The following PCDH15 variants were observed in gnomAD, a reference collection of about 807,000 sequenced individuals.
The protein encoded by PCDH15 is protocadherin related 15.
A neutral mutation model predicts 178.5 loss-of-function variants in PCDH15; 129 were observed. The ratio of observed to expected loss-of-function variants is 0.72; its 90% CI spans 0.63 to 0.84. The LOEUF (loss-of-function observed/expected upper bound fraction) is 0.84, where lower values mean the gene tolerates loss of function less well. Ranked by LOEUF, PCDH15 falls within the 40% of genes least tolerant of loss-of-function variation. The pLI is 0.00. For synonymous variants in PCDH15, 800 were observed against 732.0 expected (o/e 1.09, Z -1.50); for missense variants, 2,230 against 2,099.9 (o/e 1.06, Z -1.21).
chr10:54,014,033 A>G (rs1025081440), intron 20 of PCDH15, among the ~76,000 whole-genome samples: 3 of 152,154 alleles, frequency 2.0e-5, no homozygotes, highest in African/African-American at 4.8e-5. Context: ...AAGAAAAAAA[A>G]AGAGAAGATC....
At chr10:55,556,777 T>C (rs1842099565) in intron 2 of PCDH15, among the ~76,000 whole-genome samples, 1 of 152,108 alleles carries the variant, frequency 6.6e-6, no homozygotes, top group African/African-American at 2.4e-5. Flanking sequence ...GGAGGCAAAT[T>C]ATGAAGTGAG....
intron 2 of PCDH15, among the ~76,000 whole-genome samples, chr10:55,050,389 C>G (rs962722256): frequency 2.0e-5 from 3 of 151,886 alleles, no homozygotes; most frequent in Non-Finnish European, 4.4e-5. Flanking sequence ...TTTCAGTAAT[C>G]ACTATTAACA....
intron 3 of PCDH15, among the ~76,000 whole-genome samples, chr10:54,453,923 C>T (rs1202031089): frequency 6.6e-6 from 1 of 151,756 alleles, no homozygotes; most frequent in African/African-American, 2.4e-5. Context: ...ATTTTTAAGC[C>T]ACCATGTTTG....
chr10:54,101,260 G>A (rs923165400), intron 15 of PCDH15, among the ~76,000 whole-genome samples: 2 of 152,150 alleles, frequency 1.3e-5, no homozygotes, highest in African/African-American at 2.4e-5. Flanking sequence ...TACATGAACT[G>A]TAAGTCCAAT....
At chr10:54,292,715 C>G (rs1419326421) in intron 8 of PCDH15, among the ~76,000 whole-genome samples, 1 of 152,146 alleles carries the variant, frequency 6.6e-6, no homozygotes, top group Non-Finnish European at 1.5e-5. Flanking sequence ...CTCCCATTCA[C>G]AATTGCTACA....
intron 2 of PCDH15, among the ~76,000 whole-genome samples, chr10:55,356,721 A>G (rs1480480738): frequency 6.6e-6 from 1 of 151,920 alleles, no homozygotes; most frequent in African/African-American, 2.4e-5. Context: ...TTTAGTTGTT[A>G]TAATTACCCT....
At chr10:55,097,315 T>C (rs533629691) in intron 2 of PCDH15, among the ~76,000 whole-genome samples, 1 of 152,130 alleles carries the variant, frequency 6.6e-6, no homozygotes, top group Non-Finnish European at 1.5e-5. Context: ...TCATGCCTGA[T>C]GATAAATTAA....
intron 9 of PCDH15, among the ~76,000 whole-genome samples, chr10:54,225,232 T>C (rs749327512): frequency 2.8e-4 from 42 of 152,160 alleles, no homozygotes; most frequent in Non-Finnish European, 3.1e-4. Flanking sequence ...CTTTGAACAA[T>C]CTCACTGAAT....
chr10:54,579,536 G>A (rs894785635), intron 2 of PCDH15, among the ~76,000 whole-genome samples: 1 of 151,908 alleles, frequency 6.6e-6, no homozygotes, highest in African/African-American at 2.4e-5. Flanking sequence ...AAACAATAAT[G>A]GGAGACCTCA....
At chr10:54,858,156 A>G (rs2131776859) in intron 3 of PCDH15, among the ~76,000 whole-genome samples, 1 of 152,322 alleles carries the variant, frequency 6.6e-6, no homozygotes, top group African/African-American at 2.4e-5. Context: ...AGATGTGCTC[A>G]TTCATTATTT....
chr10:54,453,628 C>G (rs1470791206), intron 3 of PCDH15, among the ~76,000 whole-genome samples: 2 of 149,676 alleles, frequency 1.3e-5, no homozygotes, highest in East Asian at 3.9e-4. Flanking sequence ...ACGTTGTGCA[C>G]ATGTACCCTA....
At chr10:54,772,809 T>C (rs1348852780) in intron 1 of PCDH15, among the ~76,000 whole-genome samples, 30 of 152,100 alleles carry the variant, frequency 2.0e-4, no homozygotes. Context: ...TAAAGACACA[T>C]GCATGCATAT....
intron 15 of PCDH15, among the ~76,000 whole-genome samples, chr10:54,111,972 C>CAAAAA (rs369333708): frequency 5.1e-5 from 5 of 97,576 alleles, no homozygotes; most frequent in African/African-American, 1.1e-4. Context: ...ACCAAAAATA[C>CAAAAA]AAAAAAAAAA....
intron 2 of PCDH15, among the ~76,000 whole-genome samples, chr10:55,516,735 T>C (rs1385470047): frequency 6.6e-6 from 1 of 152,124 alleles, no homozygotes; most frequent in Non-Finnish European, 1.5e-5. Context: ...TGCCTTGGGA[T>C]TCATAATACT....
intron 16 of PCDH15, among the ~76,000 whole-genome samples, chr10:54,080,148 G>C (rs1426992305): frequency 6.6e-6 from 1 of 151,752 alleles, no homozygotes; most frequent in African/African-American, 2.4e-5. Flanking sequence ...CCCCTTTTGT[G>C]GCTACACTAA....
intron 14 of PCDH15, among the ~76,000 whole-genome samples, chr10:54,133,684 A>T (rs2042639494): frequency 6.6e-6 from 1 of 152,198 alleles, no homozygotes; most frequent in African/African-American, 2.4e-5. Flanking sequence ...ATTAGCATTG[A>T]CATAGTCAAC....
chr10:55,275,384 T>C (rs1842563646), intron 1 of PCDH15, among the ~76,000 whole-genome samples: 1 of 152,082 alleles, frequency 6.6e-6, no homozygotes, highest in African/African-American at 2.4e-5. Context: ...CTTTCCCAGA[T>C]TTAAGAAATT....
At chr10:55,582,630 T>TA (rs1564465801) in intron 2 of PCDH15, among the ~76,000 whole-genome samples, 398 of 100,042 alleles carry the variant, frequency 4.0e-3, no homozygotes, top group Middle Eastern at 0.01. Context: ...ATATATATAT[T>TA]TTTTTTTTTT....
chr10:54,178,966 G>C (rs1359493469), intron 13 of PCDH15, among the ~76,000 whole-genome samples: 2 of 152,106 alleles, frequency 1.3e-5, no homozygotes, highest in African/African-American at 4.8e-5. Flanking sequence ...TTACACTGTT[G>C]GTGGGATTGT....
Sources: gnomAD v4.1 joint callset for allele counts (sites outside exome capture counted in the v4.1 genomes callset) on GRCh38, gnomAD v4.1.1 for gene constraint, MANE v1.5 for transcripts, NCBI Gene and HGNC (gene_info 2026-07-23, HGNC 2026-07-21) for gene names.